The following KARS1 variants were observed in gnomAD, a reference collection of about 807,000 sequenced individuals.
KARS1 encodes the protein lysyl-tRNA synthetase 1, also known as lysine--tRNA ligase.
A neutral mutation model predicts 63.9 loss-of-function variants in KARS1; 50 were observed. The ratio of observed to expected loss-of-function variants is 0.78; its 90% CI spans 0.62 to 0.99. KARS1 has a LOEUF of 0.99. Ranked by LOEUF, KARS1 falls within the 50% of genes least tolerant of loss-of-function variation. KARS1 has a pLI of 0.00. For missense variants in KARS1, 816 were observed against 754.5 expected (o/e 1.08, Z -0.95); for synonymous variants, 320 against 264.6 (o/e 1.21, Z -2.03).
chr16:75,628,455 C>A, intron 13 of KARS1, 114 bp downstream of exon 13: 1 of 1,248,548 alleles, frequency 8.0e-7, no homozygotes, highest in South Asian at 1.2e-5. Flanking sequence ...TCTGCCTGCT[C>A]CTCTTCCCAG....
chr16:75,643,288 C>T (rs568612849), intron 1 of KARS1, among the ~76,000 whole-genome samples: 1 of 152,100 alleles, frequency 6.6e-6, no homozygotes, highest in Non-Finnish European at 1.5e-5. Flanking sequence ...AAGTCATGCC[C>T]GCAAACATTC....
intron 7 of KARS1, among the ~76,000 whole-genome samples, chr16:75,632,785 A>T (rs1331214782): frequency 6.6e-6 from 1 of 152,232 alleles, no homozygotes; most frequent in Non-Finnish European, 1.5e-5. Context: ...GGATTCACTC[A>T]GGATGGTGGC....
At chr16:75,647,470 G>C (rs573036974) in intron 1 of KARS1, 108 bp downstream of exon 1, 3 of 1,025,292 alleles carry the variant, frequency 2.9e-6, no homozygotes, top group Non-Finnish European at 4.5e-6. Context: ...GTACCCACGA[G>C]AGCCGGCAAG....
intron 1 of KARS1, among the ~76,000 whole-genome samples, chr16:75,646,024 T>C (rs545379418): frequency 1.4e-4 from 22 of 152,214 alleles, no homozygotes; most frequent in African/African-American, 5.3e-4. Context: ...TTTAGGATCG[T>C]ATATCACAGA....
chr16:75,628,532 C>T lies in KARS1; in HGVS notation c.1695+37G>A, dbSNP rs551141922. 137 of 1,611,500 alleles carry T rather than the reference C, an allele frequency of 8.5e-5. 2 individuals are homozygous for T. The South Asian group carries it at 1.4e-3, about 17-fold the overall frequency. ...CCCTGGCTCCAACACAATGCAGCTT[C>T]CTCAGGAAGTGTGCTCTGTGGAGGG... On this transcript the variant is annotated intron_variant, in intron 13 of 13. Transcript: ENST00000302445.
At position 75,636,073 on chromosome 16, in the gene KARS1, T is replaced by C. The variant is rs2082158854; in HGVS notation, c.508A>G (p.Ile170Val). Reference protein sequence around the residue: ...SRNYKSEEEFIHINNKLRRGD... With the variant: ...SRNYKSEEEFVHINNKLRRGD... Reference sequence around the variant, plus strand: ...CGACGCAGTTTGTTATTAATATGAATAAATTCTTCTTCTGATTTATAATTT... The same window carrying C: ...CGACGCAGTTTGTTATTAATATGAACAAATTCTTCTTCTGATTTATAATTT... Residue 170 changes from isoleucine to valine, a missense_variant, in exon 5 of 14, where the codon ATT becomes GTT. Transcript: ENST00000302445. 3 of 1,594,270 alleles carry C rather than the reference T, an allele frequency of 1.9e-6. No homozygotes were observed. Among genetic ancestry groups the C allele is most frequent in the African/African-American group, 2.7e-5 (2 of 74,452 alleles).
In KARS1 at chr16:75,644,512, T is replaced by C. The variant is rs2082260096; in HGVS notation, c.63-2789A>G. ...TGTCAGATGGGACAGACAGTATACA[T>C]ATACCCAACCAACTCTCTTATGGGT... is the stretch of plus-strand genomic sequence containing the variant. On this transcript the variant is annotated intron_variant, in intron 1 of 13. Coordinates refer to ENST00000302445, the MANE Select transcript of KARS1 (RefSeq NM_005548.3). The C allele has an allele frequency of 4.4e-6, 6 of 1,350,602 alleles. 1 individual carries two copies. The highest frequency in any genetic ancestry group is 2.5e-5 in the East Asian group (1 of 40,328). 83.7% of individuals were successfully genotyped at this position (1,350,602 alleles called of 1,614,324 possible). A position where few individuals can be genotyped will look rare whatever the true frequency, so the allele number is the denominator to read the frequency against.
chr16:75,646,934 AG>A (rs1396283493), intron 1 of KARS1, among the ~76,000 whole-genome samples: 2 of 152,198 alleles, frequency 1.3e-5, no homozygotes, highest in African/African-American at 4.8e-5. Flanking sequence ...AGCCAGTTAA[AG>A]GGTGGCTAAT....
intron 7 of KARS1, among the ~76,000 whole-genome samples, chr16:75,632,210 T>G (rs1254057432): frequency 1.3e-5 from 2 of 152,206 alleles, no homozygotes; most frequent in Non-Finnish European, 2.9e-5. Flanking sequence ...TAATCTTGTA[T>G]TAACAGCTCT....
intron 1 of KARS1, chr16:75,642,898 G>C (rs563688581): frequency 2.0e-5 from 3 of 152,150 alleles, no homozygotes; most frequent in Non-Finnish European, 4.4e-5. Context: ...ATGAGATAAT[G>C]TTTGTATAAA....
rs57060791 is a variant in KARS1 at position 75,636,631 on chromosome 16, AT to A, written c.389-85del. The stretch of plus-strand genomic sequence containing the variant: ...AGTGTCAAAAAAAAACTCCCTCTGC[AT>A]TTTTTTTTTTGTTTTTTTTGGGACA... On this transcript the variant is annotated intron_variant, in intron 3 of 13. Coordinates refer to ENST00000302445, the MANE Select transcript of KARS1 (RefSeq NM_005548.3). 123,077 of 640,624 alleles carry A rather than the reference AT, an allele frequency of 0.19. 13,102 individuals are homozygous for A. The highest frequency in any genetic ancestry group is 0.69 in the East Asian group (22,144 of 31,910). 39.7% of individuals were successfully genotyped at this position (640,624 alleles called of 1,614,324 possible).
chr16:75,640,724 C>T (rs186721059), intron 2 of KARS1, among the ~76,000 whole-genome samples: 4 of 152,180 alleles, frequency 2.6e-5, no homozygotes, highest in Non-Finnish European at 5.9e-5. Context: ...CTACCTCTGG[C>T]GACACATCAG....
At chr16:75,633,022 G>C (rs747609821) in intron 7 of KARS1, among the ~76,000 whole-genome samples, 3 of 152,100 alleles carry the variant, frequency 2.0e-5, no homozygotes, top group African/African-American at 2.4e-5. Context: ...TGGCCCTCTT[G>C]GGGGGAGGTT....
At chr16:75,644,575 C>T (rs2151812612) in intron 1 of KARS1, 1 of 653,818 alleles carries the variant, frequency 1.5e-6, no homozygotes, top group Non-Finnish European at 2.5e-6. Flanking sequence ...CTTTTAGTCC[C>T]ATTTAACTTA....
intron 7 of KARS1, among the ~76,000 whole-genome samples, chr16:75,633,169 C>T (rs1437543413): frequency 1.3e-5 from 2 of 152,186 alleles, no homozygotes; most frequent in African/African-American, 2.4e-5. Context: ...TAATTCTATA[C>T]TAAATAAATG....
rs1469962207 is a variant in KARS1, at chr16:75,635,743, A to G, written c.732T>C (p.Phe244=). The G allele has an allele frequency of 6.2e-7, 1 of 1,614,062 alleles. No homozygotes were observed. The highest frequency in any genetic ancestry group is 1.3e-5 in the African/African-American group (1 of 74,934). The change falls in exon 6 of 14, where the codon TTT becomes TTC. Residue 244 remains phenylalanine, a synonymous_variant. Transcript: ENST00000302445. ...LILNDFVRQK[F]IIRSKIITYI... ...ATGTGATGATCTTAGAGCGGATGAT[A>G]AATTTCTGCCTCACAAAGTCATTCA...
rs889417936 is a variant in KARS1, at chr16:75,638,866, CAATT to C, written c.388+1314_388+1317del. Among the ~76,000 whole-genome samples the C allele has an allele frequency of 1.7e-4, 26 of 152,104 alleles. 1 individual carries two copies. Among genetic ancestry groups the C allele is most frequent in the African/African-American group, 6.3e-4 (26 of 41,436 alleles). ...AAGCAAGAAACAGAATAAAAACAAACAATTAAAATAAAAAAGATCTGCTGGGAGC... is the reference window on the plus strand; with the variant it reads ...AAGCAAGAAACAGAATAAAAACAAACAAAATAAAAAAGATCTGCTGGGAGC... On this transcript the variant is annotated intron_variant, in intron 3 of 13. Transcript: ENST00000302445.
At chr16:75,628,189 G>C (rs954494396) in intron 13 of KARS1, among the ~76,000 whole-genome samples, 196 bp from the exon 14 acceptor site, 5 of 152,202 alleles carry the variant, frequency 3.3e-5, no homozygotes. Context: ...CAAATGCATA[G>C]CACTGCCTAG....
At position 75,636,515 on chromosome 16, in the gene KARS1, T is replaced by G. The variant is rs761347066; in HGVS notation, c.421A>C (p.Lys141Gln). 1 of 1,613,440 alleles carries G rather than the reference T, an allele frequency of 6.2e-7. No homozygotes were observed. Among genetic ancestry groups the G allele is most frequent in the South Asian group, 1.1e-5 (1 of 91,078 alleles). The change falls in exon 4 of 14, where the codon AAG (lysine) becomes CAG (glutamine). Residue 141 changes from lysine (K) to glutamine (Q), a missense_variant. By Grantham distance (53) the Lys-to-Gln change is moderately conservative. Transcript: ENST00000302445. Reference protein sequence around the residue: ...RIHAKRASGGKLIFYDLRGEG... With the variant: ...RIHAKRASGGQLIFYDLRGEG... ...CCTCGAAGATCATAGAAGATGAGCT[T>G]TCCCCCAGAAGCTCTTTTGGCATGG...
Sources: gnomAD v4.1 joint callset for allele counts (sites outside exome capture counted in the v4.1 genomes callset) on GRCh38, gnomAD v4.1.1 for gene constraint, MANE v1.5 for transcripts, NCBI Gene and HGNC (gene_info 2026-07-23, HGNC 2026-07-21) for gene names.